ERGIC1: variants seen among roughly 807,000 people sequenced by gnomAD.
The protein encoded by ERGIC1 is endoplasmic reticulum-Golgi intermediate compartment protein 1.
A neutral mutation model predicts 38.3 loss-of-function variants in ERGIC1; 19 were observed. The observed-to-expected ratio is 0.50, with a 90% CI of 0.35 to 0.73. The LOEUF is 0.73. Among genes scored for constraint, ERGIC1 ranks in the 30% least tolerant of loss-of-function variants. The pLI is 0.01. For missense variants in ERGIC1, 294 were observed against 389.2 expected, an observed-to-expected ratio of 0.76 and a Z score of 2.06; for synonymous variants, 124 against 157.6, an observed-to-expected ratio of 0.79 and a Z score of 1.60.
At chr5:172,878,239 C>T (rs528329445) in intron 1 of ERGIC1, among the ~76,000 whole-genome samples, 1 of 152,234 alleles carries the variant, frequency 6.6e-6, no homozygotes, top group South Asian at 2.1e-4. Context: ...ACCTTATATG[C>T]GTTGGTGACA....
intron 1 of ERGIC1, among the ~76,000 whole-genome samples, chr5:172,884,756 G>C (rs979397507): frequency 1.8e-4 from 27 of 152,248 alleles, no homozygotes; most frequent in African/African-American, 6.5e-4. Context: ...ACTGCTATTG[G>C]GCTGTTGCTG....
chr5:172,896,718 G>T (rs560090530), intron 2 of ERGIC1, among the ~76,000 whole-genome samples: 4 of 152,344 alleles, frequency 2.6e-5, no homozygotes, highest in African/African-American at 9.6e-5. Flanking sequence ...TCTACTTTTG[G>T]CTGGCCTTTG....
chr5:172,869,330 T>A (rs780251763), intron 1 of ERGIC1, among the ~76,000 whole-genome samples: 1 of 152,236 alleles, frequency 6.6e-6, no homozygotes, highest in Non-Finnish European at 1.5e-5. Context: ...TGAATGAGTG[T>A]CCTTTGGAAA....
intron 4 of ERGIC1, among the ~76,000 whole-genome samples, chr5:172,914,072 TA>T (rs1561732961): frequency 6.6e-6 from 1 of 151,610 alleles, no homozygotes; most frequent in African/African-American, 2.4e-5. Flanking sequence ...CCGTCTCTAC[TA>T]AAAATACAAA....
At chr5:172,858,835 G>C (rs762483993) in intron 1 of ERGIC1, among the ~76,000 whole-genome samples, 2 of 152,252 alleles carry the variant, frequency 1.3e-5, no homozygotes, top group Non-Finnish European at 2.9e-5. Context: ...CTGCCAGCCA[G>C]ATGTTTGGGG....
intron 1 of ERGIC1, among the ~76,000 whole-genome samples, chr5:172,852,718 G>A (rs938879064): frequency 1.3e-5 from 2 of 152,232 alleles, no homozygotes; most frequent in East Asian, 1.9e-4. Context: ...ACAACTTACC[G>A]TGTCATCAGC....
chr5:172,840,945 T>C (rs961622549), intron 1 of ERGIC1, among the ~76,000 whole-genome samples: 5 of 152,222 alleles, frequency 3.3e-5, no homozygotes, highest in African/African-American at 1.2e-4. Context: ...GCTGCCTCAC[T>C]GAGGACTCTG....
intron 1 of ERGIC1, among the ~76,000 whole-genome samples, chr5:172,835,139 T>C (rs564685403): frequency 3.3e-5 from 5 of 151,978 alleles, no homozygotes; most frequent in South Asian, 2.1e-4. Flanking sequence ...TGGGGCATTC[T>C]GGAAGCCTGC....
intron 1 of ERGIC1, among the ~76,000 whole-genome samples, chr5:172,873,442 C>T (rs1762067795): frequency 6.6e-6 from 1 of 152,240 alleles, no homozygotes; most frequent in Admixed American, 6.5e-5. Context: ...CCTCTCCAGC[C>T]TTGCCCAGCC....
Position 172,888,576 on chromosome 5 carries a change from G to A in ERGIC1, c.21-123G>A, listed in dbSNP as rs562822769. 8.6e-6 allele frequency: 7 copies of A among 812,692 alleles called. No homozygotes were observed. In the African/African-American group the frequency reaches 1.0e-4, roughly 12 times the overall value. The allele number at this position is 812,692 out of a possible 1,614,324, so 50.3% of individuals were successfully genotyped here. On this transcript the variant is annotated intron_variant, in intron 1 of 9. Transcript: ENST00000393784. Reference sequence around the variant, plus strand: ...TTGGAGAAAGTGTCCTGAAAGAGCAGAAAAACTGTGGGAAGAACCATGGTT... The same window carrying A: ...TTGGAGAAAGTGTCCTGAAAGAGCAAAAAAACTGTGGGAAGAACCATGGTT...
chr5:172,941,088 G>A (rs1764001046), intron 9 of ERGIC1, among the ~76,000 whole-genome samples: 1 of 152,158 alleles, frequency 6.6e-6, no homozygotes, highest in South Asian at 2.1e-4. Context: ...AGACCAGCCT[G>A]GCCAACATGG....
At chr5:172,886,028 G>T (rs1275201200) in intron 1 of ERGIC1, among the ~76,000 whole-genome samples, 3 of 152,032 alleles carry the variant, frequency 2.0e-5, no homozygotes, top group Non-Finnish European at 4.4e-5. Flanking sequence ...CTCGGTGATG[G>T]CCGCCTGCTG....
chr5:172,835,932 G>T (rs1761023779), intron 1 of ERGIC1, among the ~76,000 whole-genome samples: 1 of 152,212 alleles, frequency 6.6e-6, no homozygotes, highest in African/African-American at 2.4e-5. Context: ...AAGAGCTGTG[G>T]TCGGCACATC....
At chr5:172,851,423 C>A (rs374543356) in intron 1 of ERGIC1, among the ~76,000 whole-genome samples, 1 of 152,176 alleles carries the variant, frequency 6.6e-6, no homozygotes, top group South Asian at 2.1e-4. Flanking sequence ...ACAGGAGATT[C>A]GCTTCAACCC....
chr5:172,902,860 G>A (rs1762919747), intron 3 of ERGIC1, among the ~76,000 whole-genome samples: 2 of 151,962 alleles, frequency 1.3e-5, no homozygotes, highest in African/African-American at 4.8e-5. Context: ...GCAGGAATCT[G>A]AACTATTTAA....
At chr5:172,910,146 C>T (rs1763170260) in intron 4 of ERGIC1, among the ~76,000 whole-genome samples, 2 of 152,186 alleles carry the variant, frequency 1.3e-5, no homozygotes, top group African/African-American at 4.8e-5. Context: ...AGCTGAAGTC[C>T]AAACTCAGCC....
chr5:172,845,717 C>G (rs1359330412), intron 1 of ERGIC1, among the ~76,000 whole-genome samples: 8 of 152,214 alleles, frequency 5.3e-5, no homozygotes, highest in Non-Finnish European at 7.3e-5. Context: ...AGTACAGACA[C>G]CCTACATCCA....
At chr5:172,918,747 C>T (rs759795245) in intron 5 of ERGIC1, among the ~76,000 whole-genome samples, 1 of 152,208 alleles carries the variant, frequency 6.6e-6, no homozygotes, top group African/African-American at 2.4e-5. Flanking sequence ...GGTTTAAGGC[C>T]TTGGAGAGGT....
intron 1 of ERGIC1, among the ~76,000 whole-genome samples, chr5:172,857,773 T>C (rs67655713): frequency 6.6e-6 from 1 of 151,858 alleles, no homozygotes; most frequent in Non-Finnish European, 1.5e-5. Flanking sequence ...GTCTTACAGC[T>C]TACGTTATGG....
Sources: allele counts gnomAD v4.1 joint callset (sites outside exome capture counted in the v4.1 genomes callset), GRCh38; gene constraint gnomAD v4.1.1; transcripts MANE v1.5; gene names NCBI Gene and HGNC (gene_info 2026-07-23, HGNC 2026-07-21).